Variants in DGKI observed in about 807,000 individuals in gnomAD.
DGKI encodes diacylglycerol kinase iota.
DGKI carries 55 observed loss-of-function variants against 147.5 expected under a neutral mutation model. That is an observed-to-expected ratio of 0.37 (90% confidence interval 0.30 to 0.47). DGKI has a LOEUF of 0.47. DGKI is among the 20% of genes least tolerant of loss of function. DGKI has a pLI of 1.00. For missense variants in DGKI, 1,007 were observed against 1,323.8 expected (o/e 0.76, Z 3.71); for synonymous variants, 469 against 477.1 (o/e 0.98, Z 0.22).
intron 7 of DGKI, among the ~76,000 whole-genome samples, chr7:137,623,056 G>C (rs1183812724): frequency 2.6e-5 from 4 of 152,180 alleles, no homozygotes; most frequent in East Asian, 1.9e-4. Context: ...AGAAGAGCCA[G>C]GATTCCTGTC....
chr7:137,551,808 G>A lies in DGKI; in HGVS notation c.2147+561C>T, dbSNP rs910946289. Among the ~76,000 whole-genome samples the A allele has an allele frequency of 3.3e-5, 5 of 152,294 alleles. 1 individual carries two copies. The South Asian group carries it at 1.0e-3, about 32-fold the overall frequency. ...GGGTCAGGCTATGTCTGGACAATAG[G>A]ATGCTGCCCAGAAAGCCAACACTGA... is the stretch of plus-strand genomic sequence containing the variant. On this transcript the variant is annotated intron_variant, in intron 20 of 32. Coordinates refer to ENST00000614521, the MANE Select transcript of DGKI (RefSeq NM_001321708.2).
Position 137,623,484 on chromosome 7 carries a change from G to A in DGKI, c.875C>T (p.Ala292Val), listed in dbSNP as rs1286187627. 2.5e-6 allele frequency: 4 copies of A among 1,613,316 alleles called. No individual in the cohort carries two copies. The highest frequency in any genetic ancestry group is 1.1e-5 in the South Asian group (1 of 91,026). The change falls in exon 7 of 33, where the codon GCG becomes GTG. Residue 292 changes from alanine to valine, a missense_variant and splice_region_variant. Physicochemically the swap from Ala to Val is moderately conservative, Grantham distance 64. This residue lies in a region of DGKI where 259 missense variants were observed against 362.5 expected (regional missense o/e 0.71). Coordinates refer to ENST00000614521, the MANE Select transcript of DGKI (RefSeq NM_001321708.2). ...TGCTTTATTTCATCCCAATCTTACCGCCTGCTTGCACCAGGAACAGCTGAT... is the reference window on the plus strand; with the variant it reads ...TGCTTTATTTCATCCCAATCTTACCACCTGCTTGCACCAGGAACAGCTGAT... ...VAISCSWCKQ[A>V]FHNKVTCFML...
intron 1 of DGKI, chr7:137,722,013 A>G (rs547340259): frequency 2.2e-4 from 345 of 1,579,498 alleles, no homozygotes; most frequent in Non-Finnish European, 2.8e-4. Context: ...TTGAGAAGCC[A>G]GATACTAAAG....
intron 1 of DGKI, among the ~76,000 whole-genome samples, chr7:137,766,542 T>C (rs576241164): frequency 3.9e-5 from 6 of 152,292 alleles, no homozygotes; most frequent in African/African-American, 1.2e-4. Flanking sequence ...CAAGCCAATT[T>C]GCACGGAGCC....
chr7:137,769,439 A>G (rs1316328282), intron 1 of DGKI, among the ~76,000 whole-genome samples: 2 of 152,224 alleles, frequency 1.3e-5, no homozygotes, highest in Non-Finnish European at 2.9e-5. Flanking sequence ...TAGTTTTATC[A>G]CCAAAAGCAA....
intron 23 of DGKI, among the ~76,000 whole-genome samples, chr7:137,479,536 A>G (rs1022505599): frequency 6.6e-6 from 1 of 152,176 alleles, no homozygotes; most frequent in African/African-American, 2.4e-5. Flanking sequence ...TTTACATGCA[A>G]TTGCTCATAG....
At chr7:137,460,067 A>G (rs1279967274) in intron 27 of DGKI, among the ~76,000 whole-genome samples, 1 of 152,160 alleles carries the variant, frequency 6.6e-6, no homozygotes, top group African/African-American at 2.4e-5. Context: ...TTATATAGTG[A>G]GTTATTTAGC....
chr7:137,470,045 G>T (rs926035745), intron 23 of DGKI, among the ~76,000 whole-genome samples: 2 of 152,176 alleles, frequency 1.3e-5, no homozygotes, highest in Non-Finnish European at 2.9e-5. Context: ...CATACGGTAC[G>T]TGAGAAAAAG....
At chr7:137,590,698 G>GT (rs1013605198) in intron 12 of DGKI, among the ~76,000 whole-genome samples, 47 of 151,924 alleles carry the variant, frequency 3.1e-4, no homozygotes, top group Middle Eastern at 3.4e-3. Flanking sequence ...CTGTGTTGTT[G>GT]TTTTTTTTGT....
At chr7:137,635,887 G>A (rs78548346) in intron 6 of DGKI, among the ~76,000 whole-genome samples, 1,918 of 152,252 alleles carry the variant, frequency 0.013, 36 homozygotes, top group African/African-American at 0.044. Context: ...CCAGAGCTCC[G>A]GGCTTTGAGG....
intron 32 of DGKI, among the ~76,000 whole-genome samples, chr7:137,392,201 T>C (rs2128892547): frequency 6.6e-6 from 1 of 152,328 alleles, no homozygotes; most frequent in South Asian, 2.1e-4. Flanking sequence ...TAATGCCTTT[T>C]GTACACTTAT....
chr7:137,735,086 G>A (rs924617306), intron 1 of DGKI, among the ~76,000 whole-genome samples: 4 of 151,914 alleles, frequency 2.6e-5, no homozygotes, highest in Non-Finnish European at 5.9e-5. Context: ...CTAGCTACTG[G>A]CCCTGAAATC....
intron 19 of DGKI, among the ~76,000 whole-genome samples, chr7:137,555,923 CAA>C (rs1370157798): frequency 6.6e-6 from 1 of 151,630 alleles, no homozygotes; most frequent in Non-Finnish European, 1.5e-5. Flanking sequence ...TACAAGAAAA[CAA>C]AAAATTTTAT....
Position 137,846,722 on chromosome 7 carries a change from G to A in DGKI, c.141C>T (p.Ala47=). The A allele has an allele frequency of 6.9e-6, 7 of 1,017,616 alleles. No individual in the cohort carries two copies. Among genetic ancestry groups the A allele is most frequent in the Non-Finnish European group, 8.2e-6 (7 of 853,068 alleles). 63.0% of individuals were successfully genotyped at this position (1,017,616 alleles called of 1,614,324 possible). Residue 47 remains alanine, a synonymous_variant, in exon 1 of 33, where the codon GCC becomes GCT. Transcript: ENST00000614521. The surrounding 1 kb of genome is among the most constrained non-coding windows in gnomAD (Gnocchi z 4.0). The part of the protein sequence containing the change: ...CSGAACAPSA[A]AGAGAMNPSS... ...TGGGGTTCATGGCGCCCGCTCCGGC[G>A]GCCGCGGAGGGAGCGCAGGCGGCGC...
At position 137,412,157 on chromosome 7, in the gene DGKI, GA is replaced by G; in HGVS notation, c.2799+12del. The G allele has an allele frequency of 6.2e-7, 1 of 1,612,684 alleles. No individual in the cohort carries two copies. The highest frequency in any genetic ancestry group is 8.5e-7 in the Non-Finnish European group (1 of 1,178,750). On this transcript the variant is annotated intron_variant, in intron 29 of 32. Transcript: ENST00000614521. ...TAAAGCATCGCCAAAGATTTGGTAG[GA>G]AGATATCTTACCTTCATAAGATCAC...
At chr7:137,678,679 C>CA in intron 2 of DGKI, 27 bp from the exon 3 acceptor site, 1 of 1,599,272 alleles carries the variant, frequency 6.3e-7, no homozygotes, top group Non-Finnish European at 8.6e-7. Context: ...CACCTGACAT[C>CA]AATTTTTTTT....
chr7:137,662,240 CTTTTTT>C (rs1170356266), intron 3 of DGKI, among the ~76,000 whole-genome samples: 1 of 126,444 alleles, frequency 7.9e-6, no homozygotes, highest in Admixed American at 7.9e-5. Flanking sequence ...CAGCACACTC[CTTTTTT>C]TTTTTTTTTT....
intron 21 of DGKI, among the ~76,000 whole-genome samples, chr7:137,507,773 T>A (rs532034272): frequency 1.3e-5 from 2 of 152,090 alleles, no homozygotes; most frequent in African/African-American, 4.8e-5. Flanking sequence ...GGGGAGTACA[T>A]GAAAACATCC....
chr7:137,514,281 T>C (rs1212556236), intron 21 of DGKI, among the ~76,000 whole-genome samples: 11 of 152,316 alleles, frequency 7.2e-5, no homozygotes, highest in Admixed American at 3.3e-4. Context: ...ACCACTGTTG[T>C]ATATGCAGTC....
Sources: allele counts gnomAD v4.1 joint callset (sites outside exome capture counted in the v4.1 genomes callset), GRCh38; gene constraint gnomAD v4.1.1; regional missense constraint gnomAD v4.1.1; non-coding constraint Gnocchi (gnomAD v3.1); transcripts MANE v1.5; gene names NCBI Gene and HGNC (gene_info 2026-07-23, HGNC 2026-07-21).